Variants in TTC28 observed in about 807,000 individuals in gnomAD.
TTC28 encodes the protein tetratricopeptide repeat protein 28.
Under a neutral mutation model 198.0 loss-of-function variants are expected in TTC28, and 61 were observed. The ratio of observed to expected loss-of-function variants is 0.31; its 90% CI spans 0.25 to 0.38. TTC28 has a LOEUF of 0.38. Ranked by LOEUF, TTC28 falls within the 10% of genes least tolerant of loss-of-function variation. The probability of loss-of-function intolerance (pLI) is 1.00; values close to 1 mark genes in which losing one functional copy is unlikely to be tolerated. For synonymous variants in TTC28, 1,171 were observed against 1,297.8 expected (o/e 0.90, Z 2.10); for missense variants, 2,678 against 3,164.0 (o/e 0.85, Z 3.69).
chr22:28,540,282 G>A (rs2049384555), intron 2 of TTC28, among the ~76,000 whole-genome samples: 1 of 152,042 alleles, frequency 6.6e-6, no homozygotes, highest in Non-Finnish European at 1.5e-5. Context: ...GGCAAAGTGG[G>A]AACAGGCACA....
chr22:27,989,435 A>G (rs1157173021), intron 21 of TTC28, among the ~76,000 whole-genome samples: 1 of 152,246 alleles, frequency 6.6e-6, no homozygotes, highest in East Asian at 1.9e-4. Flanking sequence ...AATGGGCACA[A>G]ATGACAGAGA....
At chr22:28,317,456 C>T (rs1023015791) in intron 2 of TTC28, among the ~76,000 whole-genome samples, 1 of 152,196 alleles carries the variant, frequency 6.6e-6, no homozygotes, top group African/African-American at 2.4e-5. Flanking sequence ...TTTCAATGCA[C>T]ATTTTATAGA....
chr22:28,198,266 G>A (rs748682639), intron 5 of TTC28, among the ~76,000 whole-genome samples: 1 of 152,064 alleles, frequency 6.6e-6, no homozygotes, highest in Non-Finnish European at 1.5e-5. Flanking sequence ...ATCGATAGAT[G>A]CCAGCAACAC....
chr22:28,300,187 G>A (rs2044991054), intron 3 of TTC28, among the ~76,000 whole-genome samples: 1 of 152,196 alleles, frequency 6.6e-6, no homozygotes, highest in Non-Finnish European at 1.5e-5. Context: ...GGTCCCAGCT[G>A]CTAGGGAAAA....
At chr22:28,168,421 A>C (rs946624891) in intron 5 of TTC28, among the ~76,000 whole-genome samples, 12 of 152,346 alleles carry the variant, frequency 7.9e-5, no homozygotes, top group African/African-American at 2.9e-4. Flanking sequence ...ACTTCAAACT[A>C]TACTACAAGG....
chr22:28,640,351 A>C (rs1216793586), intron 1 of TTC28, among the ~76,000 whole-genome samples: 6 of 151,566 alleles, frequency 4.0e-5, no homozygotes, highest in Non-Finnish European at 2.9e-5. Context: ...AGACCTAAGT[A>C]ATATACCCAA....
chr22:28,450,601 A>G (rs935057986), intron 2 of TTC28, among the ~76,000 whole-genome samples: 8 of 152,214 alleles, frequency 5.3e-5, no homozygotes, highest in African/African-American at 1.9e-4. Context: ...TAGTTTTACT[A>G]CGCTAACTCT....
At chr22:28,593,460 GGTAGGTAGC>G in intron 2 of TTC28, among the ~76,000 whole-genome samples, 1 of 143,354 alleles carries the variant, frequency 7.0e-6, no homozygotes, top group Non-Finnish European at 1.5e-5. Context: ...TAGGTAGATA[GGTAGGTAGC>G]TAGGTAGGTA....
chr22:28,427,728 T>C (rs2047370969), intron 2 of TTC28, among the ~76,000 whole-genome samples: 1 of 151,860 alleles, frequency 6.6e-6, no homozygotes, highest in Non-Finnish European at 1.5e-5. Flanking sequence ...AACAAAGGTA[T>C]GTTAAGAAAG....
At chr22:28,070,983 G>A (rs935411424) in intron 12 of TTC28, among the ~76,000 whole-genome samples, 11 of 152,138 alleles carry the variant, frequency 7.2e-5, no homozygotes, top group Non-Finnish European at 1.6e-4. Flanking sequence ...GGAGGTGAGG[G>A]AGCAGCAAAA....
At chr22:28,188,686 C>T (rs1211736321) in intron 5 of TTC28, among the ~76,000 whole-genome samples, 2 of 152,176 alleles carry the variant, frequency 1.3e-5, no homozygotes, top group East Asian at 1.9e-4. Context: ...TTCTCCTCAC[C>T]CAGTATCCTT....
At chr22:28,639,274 T>C (rs2051323889) in intron 1 of TTC28, among the ~76,000 whole-genome samples, 1 of 152,242 alleles carries the variant, frequency 6.6e-6, no homozygotes, top group South Asian at 2.1e-4. Flanking sequence ...AAAGATTTTA[T>C]ACGCTGATAT....
chr22:28,094,896 G>A (rs181990379), intron 11 of TTC28, among the ~76,000 whole-genome samples: 6 of 152,220 alleles, frequency 3.9e-5, no homozygotes, highest in Admixed American at 2.0e-4. Context: ...TCTGGAAAAC[G>A]CCGGTCCTCT....
intron 2 of TTC28, among the ~76,000 whole-genome samples, chr22:28,330,762 TA>T (rs1202958114): frequency 1.3e-5 from 2 of 152,092 alleles, no homozygotes; most frequent in Non-Finnish European, 2.9e-5. Context: ...AAAAGATAAT[TA>T]ATAGCAGTCA....
At chr22:28,350,303 T>A (rs2045972421) in intron 2 of TTC28, among the ~76,000 whole-genome samples, 1 of 152,194 alleles carries the variant, frequency 6.6e-6, no homozygotes, top group Admixed American at 6.5e-5. Flanking sequence ...CAGACTGTAT[T>A]GTGTATATGA....
chr22:28,172,845 G>A (rs572018379), intron 5 of TTC28, among the ~76,000 whole-genome samples: 1 of 152,160 alleles, frequency 6.6e-6, no homozygotes, highest in African/African-American at 2.4e-5. Flanking sequence ...CAGAGGCCCT[G>A]GCTATGTAAC....
intron 2 of TTC28, among the ~76,000 whole-genome samples, chr22:28,542,231 A>T (rs550125627): frequency 6.6e-6 from 1 of 152,316 alleles, no homozygotes; most frequent in Admixed American, 6.5e-5. Flanking sequence ...GCAGAAGATC[A>T]CTAAATCTGA....
chr22:28,071,941 C>T (rs373642468), intron 12 of TTC28, among the ~76,000 whole-genome samples: 1 of 152,200 alleles, frequency 6.6e-6, no homozygotes, highest in South Asian at 2.1e-4. Flanking sequence ...GAAGCCTTAA[C>T]GAGTCTTAAT....
chr22:28,222,152 G>A (rs1330526240), intron 5 of TTC28, among the ~76,000 whole-genome samples: 1 of 152,192 alleles, frequency 6.6e-6, no homozygotes, highest in South Asian at 2.1e-4. Flanking sequence ...AATGAGCATT[G>A]ATGCAGCTGA....
Sources: gnomAD v4.1 joint callset for allele counts (sites outside exome capture counted in the v4.1 genomes callset) on GRCh38, gnomAD v4.1.1 for gene constraint, MANE v1.5 for transcripts, NCBI Gene and HGNC (gene_info 2026-07-23, HGNC 2026-07-21) for gene names.